ZMAT4: variants seen among roughly 807,000 people sequenced by gnomAD.
ZMAT4 encodes the protein zinc finger matrin-type protein 4.
ZMAT4 carries 17 observed loss-of-function variants against 28.7 expected under a neutral mutation model. That is an observed-to-expected ratio of 0.59 (90% CI 0.41 to 0.89). ZMAT4 has a LOEUF of 0.89. ZMAT4 is among the 40% of genes least tolerant of loss of function. The pLI, the probability that ZMAT4 is intolerant of heterozygous loss-of-function variation, is 0.00. For synonymous variants in ZMAT4, 117 were observed against 109.2 expected, an observed-to-expected ratio of 1.07 and a Z score of -0.44; for missense variants, 240 against 283.8, an observed-to-expected ratio of 0.85 and a Z score of 1.11.
chr8:40,825,256 C>T (rs948126954), intron 2 of ZMAT4, among the ~76,000 whole-genome samples: 1 of 151,980 alleles, frequency 6.6e-6, no homozygotes, highest in African/African-American at 2.4e-5. Context: ...ACCCTGGATC[C>T]CTGAAAGGAA....
chr8:40,584,541 A>T (rs1433041974), intron 5 of ZMAT4, among the ~76,000 whole-genome samples: 3 of 152,234 alleles, frequency 2.0e-5, no homozygotes, highest in African/African-American at 7.2e-5. Flanking sequence ...ATAAGTGAAA[A>T]TTCGTGAAAC....
chr8:40,832,082 G>A (rs950083415), intron 1 of ZMAT4, among the ~76,000 whole-genome samples: 11 of 152,086 alleles, frequency 7.2e-5, no homozygotes, highest in Admixed American at 1.3e-4. Flanking sequence ...CTGTGCCCAC[G>A]GCCTTCACCC....
intron 2 of ZMAT4, chr8:40,786,685 T>G (rs2150575691): frequency 7.8e-7 from 1 of 1,288,268 alleles, no homozygotes; most frequent in Non-Finnish European, 1.0e-6. Context: ...GCCTCCCAAC[T>G]TACGGGTCAG....
At chr8:40,829,392 C>T (rs1025946184) in intron 1 of ZMAT4, among the ~76,000 whole-genome samples, 1 of 152,186 alleles carries the variant, frequency 6.6e-6, no homozygotes, top group African/African-American at 2.4e-5. Flanking sequence ...CCGATGTGGA[C>T]GCAGTACTAG....
At chr8:40,598,223 T>C (rs781150206) in intron 5 of ZMAT4, among the ~76,000 whole-genome samples, 1 of 152,244 alleles carries the variant, frequency 6.6e-6, no homozygotes, top group African/African-American at 2.4e-5. Flanking sequence ...TTACTTTAAG[T>C]TCCAGGATAC....
chr8:40,559,362 G>C (rs1005051861), intron 6 of ZMAT4, among the ~76,000 whole-genome samples: 1 of 152,216 alleles, frequency 6.6e-6, no homozygotes, highest in East Asian at 1.9e-4. Context: ...TGGGACACAT[G>C]TAACATGCAT....
chr8:40,767,580 G>A lies in ZMAT4; in HGVS notation c.192+61C>T, dbSNP rs1474963919. ...GGACTAGACTACAATTCCTACACCTGCAAAGTTCTCAGTACACAGAACAAA... is the reference window on the plus strand; with the variant it reads ...GGACTAGACTACAATTCCTACACCTACAAAGTTCTCAGTACACAGAACAAA... On this transcript the variant is annotated intron_variant, in intron 3 of 6. Coordinates refer to ENST00000297737, the MANE Select transcript of ZMAT4 (RefSeq NM_024645.3). 4.2e-6 allele frequency: 6 copies of A among 1,437,852 alleles called. No individual in the cohort carries two copies. The African/African-American group carries it at 8.5e-5, about 20-fold the overall frequency. 89.1% of individuals were successfully genotyped at this position (1,437,852 alleles called of 1,614,324 possible).
chr8:40,633,553 G>T (rs764759238), intron 5 of ZMAT4, among the ~76,000 whole-genome samples: 2 of 152,184 alleles, frequency 1.3e-5, no homozygotes, highest in East Asian at 3.9e-4. Context: ...GTCTGTCCTC[G>T]CTCCATGGCC....
intron 4 of ZMAT4, among the ~76,000 whole-genome samples, chr8:40,689,394 C>T (rs907404616): frequency 2.0e-5 from 3 of 152,352 alleles, no homozygotes; most frequent in South Asian, 2.1e-4. Context: ...AAGTAATTTA[C>T]ATGAATTTAG....
intron 6 of ZMAT4, among the ~76,000 whole-genome samples, chr8:40,550,017 C>A (rs1356558724): frequency 6.6e-6 from 1 of 152,148 alleles, no homozygotes; most frequent in African/African-American, 2.4e-5. Context: ...TTGCCAATTT[C>A]CCTCTCAGCC....
intron 1 of ZMAT4, among the ~76,000 whole-genome samples, chr8:40,868,627 A>G (rs1817752694): frequency 2.6e-5 from 4 of 152,226 alleles, no homozygotes; most frequent in Admixed American, 2.0e-4. Flanking sequence ...ATTAAGGCAG[A>G]AGAGGGTCCA....
At chr8:40,552,792 T>A (rs1803405477) in intron 6 of ZMAT4, among the ~76,000 whole-genome samples, 1 of 152,100 alleles carries the variant, frequency 6.6e-6, no homozygotes, top group Admixed American at 6.5e-5. Flanking sequence ...TGTAGTAGTG[T>A]TAAAAATACA....
chr8:40,580,064 G>A (rs1274665351), intron 6 of ZMAT4, among the ~76,000 whole-genome samples: 6 of 147,212 alleles, frequency 4.1e-5, no homozygotes, highest in South Asian at 2.1e-4. Context: ...CCAGGCTGGA[G>A]TGCAGTGGCC....
At chr8:40,660,222 C>T (rs182566504) in intron 5 of ZMAT4, among the ~76,000 whole-genome samples, 8 of 152,238 alleles carry the variant, frequency 5.3e-5, no homozygotes, top group South Asian at 2.1e-4. Context: ...AGATCTCTTT[C>T]GGTAAGTAAC....
chr8:40,752,396 C>G (rs1212985973), intron 3 of ZMAT4, among the ~76,000 whole-genome samples: 1 of 152,172 alleles, frequency 6.6e-6, no homozygotes, highest in African/African-American at 2.4e-5. Flanking sequence ...AAGAGTTTGC[C>G]CAGTCCCTTC....
intron 2 of ZMAT4, among the ~76,000 whole-genome samples, chr8:40,811,304 C>A (rs560712511): frequency 6.6e-6 from 1 of 152,194 alleles, no homozygotes; most frequent in African/African-American, 2.4e-5. Flanking sequence ...ATCTTCACAA[C>A]TGTGACCCCC....
At chr8:40,795,256 C>T (rs1238788873) in intron 2 of ZMAT4, among the ~76,000 whole-genome samples, 3 of 152,124 alleles carry the variant, frequency 2.0e-5, no homozygotes, top group Admixed American at 6.5e-5. Flanking sequence ...ACAGTTGTGG[C>T]CAATGGTTTG....
At chr8:40,811,807 A>G (rs1178782773) in intron 2 of ZMAT4, among the ~76,000 whole-genome samples, 1 of 152,188 alleles carries the variant, frequency 6.6e-6, no homozygotes, top group African/African-American at 2.4e-5. Context: ...AATGAGATTC[A>G]CACCCCAATG....
intron 3 of ZMAT4, among the ~76,000 whole-genome samples, chr8:40,739,520 C>G (rs1482392313): frequency 1.3e-5 from 2 of 152,000 alleles, no homozygotes; most frequent in Non-Finnish European, 2.9e-5. Flanking sequence ...AAAGGTAATA[C>G]AGTGATCTAT....
Sources: allele counts gnomAD v4.1 joint callset (sites outside exome capture counted in the v4.1 genomes callset), GRCh38; gene constraint gnomAD v4.1.1; transcripts MANE v1.5; gene names NCBI Gene and HGNC (gene_info 2026-07-23, HGNC 2026-07-21).